COQ6: variants seen among roughly 807,000 people sequenced by gnomAD.
COQ6 encodes the protein coenzyme Q6, monooxygenase, also known as ubiquinone biosynthesis monooxygenase COQ6, mitochondrial.
COQ6 carries 45 observed loss-of-function variants against 55.5 expected under a neutral mutation model. The ratio of observed to expected loss-of-function variants is 0.81; its 90% CI spans 0.64 to 1.04. The LOEUF (loss-of-function observed/expected upper bound fraction) is 1.04. Ranked by LOEUF, COQ6 falls within the 50% of genes least tolerant of loss-of-function variation. COQ6 has a pLI of 0.00. For missense variants in COQ6, 550 were observed against 601.3 expected (o/e 0.91, Z 0.89); for synonymous variants, 206 against 230.5 (o/e 0.89, Z 0.96).
Position 73,958,154 on chromosome 14 carries a change from G to A in COQ6, c.489G>A (p.Val163=). Residue 163 remains valine (V), a synonymous_variant, in exon 5 of 12, where the codon GTG becomes GTA. Transcript: ENST00000334571. ...TKQLEAVSDR[V]TVLYRSKAIR... ...CTCTTTTGACCTCCCCAGACCGAGT[G>A]ACGGTTCTCTACAGGAGCAAAGCCA... The A allele has an allele frequency of 6.2e-7, 1 of 1,613,914 alleles. No homozygotes were observed. Among genetic ancestry groups the A allele is most frequent in the South Asian group, 1.1e-5 (1 of 91,072 alleles).
Position 73,963,318 on chromosome 14 carries a change from A to G in COQ6, c.*319A>G. The G allele has an allele frequency of 4.4e-6, 2 of 450,868 alleles. No individual in the cohort carries two copies. Among genetic ancestry groups the G allele is most frequent in the South Asian group, 9.3e-5 (2 of 21,468 alleles). The allele number at this position is 450,868 out of a possible 1,614,324, so 27.9% of individuals were successfully genotyped here. A position where few individuals can be genotyped will look rare whatever the true frequency, so the allele number is the denominator to read the frequency against. On this transcript the variant is annotated 3_prime_UTR_variant, in exon 12 of 12. Coordinates refer to ENST00000334571, the MANE Select transcript of COQ6 (RefSeq NM_182476.3). ...TTAATCATTTCTAAAGAGAAAATTT[A>G]CATTTTGTTTTTGTTTTAATGTTGG...
intron 5 of COQ6, chr14:73,958,577 G>T: frequency 7.7e-7 from 1 of 1,294,736 alleles, no homozygotes; most frequent in East Asian, 3.9e-5. Flanking sequence ...TGTGGTCATT[G>T]ATCTCTTGCC....
chr14:73,962,552 C>T, intron 11 of COQ6: 1 of 182,328 alleles, frequency 5.5e-6, no homozygotes, highest in Non-Finnish European at 1.1e-5. Flanking sequence ...GAGTTAAGAC[C>T]AGTCTCTTGA....
At chr14:73,960,511 G>A (rs2056666973) in intron 8 of COQ6, 2 of 995,842 alleles carry the variant, frequency 2.0e-6, no homozygotes, top group South Asian at 4.4e-5. Context: ...AATGGATTCC[G>A]AGATAAATGG....
At chr14:73,951,935 G>T (rs1390991024) in intron 1 of COQ6, among the ~76,000 whole-genome samples, 1 of 134,724 alleles carries the variant, frequency 7.4e-6, no homozygotes, top group African/African-American at 2.8e-5. Flanking sequence ...CTGAGATCGC[G>T]CCACTGCACT....
At chr14:73,953,034 GTTTA>G (rs1016595121) in intron 1 of COQ6, among the ~76,000 whole-genome samples, 8 of 152,174 alleles carry the variant, frequency 5.3e-5, no homozygotes, top group African/African-American at 1.9e-4. Context: ...AATTTTGCTT[GTTTA>G]TTCCACTTTT....
intron 8 of COQ6, chr14:73,960,139 A>G (rs1327102481): frequency 3.0e-6 from 3 of 991,290 alleles, no homozygotes; most frequent in Non-Finnish European, 3.6e-6. Context: ...AGCTACCTGA[A>G]CCTTTCAAGC....
In COQ6 at chr14:73,959,524, T is replaced by A; in HGVS notation, c.891+2T>A. 6.2e-7 allele frequency: 1 copy of A among 1,614,072 alleles called. No homozygotes were observed. The highest frequency in any genetic ancestry group is 1.1e-5 in the South Asian group (1 of 91,072). ...GTGGATGCCGTTAACTCTGCCTTTG[T>A]GAGTATCAATTTACCCAGCTGATGA... On this transcript the variant is annotated splice_donor_variant, in intron 8 of 11. Transcript: ENST00000334571. LOFTEE classifies it high-confidence loss of function.
intron 1 of COQ6, among the ~76,000 whole-genome samples, chr14:73,952,586 T>TG (rs2140364199): frequency 1.3e-5 from 2 of 152,246 alleles, no homozygotes; most frequent in Non-Finnish European, 2.9e-5. Flanking sequence ...TTGCCCAGGC[T>TG]GGTCTTGAAT....
chr14:73,962,697 C>T (rs922111888), intron 11 of COQ6: 1 of 402,740 alleles, frequency 2.5e-6, no homozygotes, highest in South Asian at 3.4e-5. Context: ...CACCTGTAAT[C>T]CCAGCACTTT....
At chr14:73,950,582 A>G in intron 1 of COQ6, 87 bp downstream of exon 1, 1 of 1,499,784 alleles carries the variant, frequency 6.7e-7, no homozygotes, top group Non-Finnish European at 8.9e-7. Context: ...CGACTTGCCC[A>G]AAGACAATTT....
chr14:73,950,422 C>T lies in COQ6; in HGVS notation c.90C>T (p.Ala30=). ...PLVSWRRWSG[A]STDTVYDVVV... ...TGTCCTGGCGCAGGTGGTCCGGCGC[C>T]TCAACAGACACCGTGTATGACGTGG... The change falls in exon 1 of 12, where the codon GCC becomes GCT. Residue 30 remains alanine, a synonymous_variant. Transcript: ENST00000334571. 6.2e-7 allele frequency: 1 copy of T among 1,604,230 alleles called. No individual in the cohort carries two copies. The highest frequency in any genetic ancestry group is 2.3e-5 in the East Asian group (1 of 44,444).
intron 8 of COQ6, 82 bp downstream of exon 8, chr14:73,959,604 C>G: frequency 1.2e-6 from 2 of 1,602,444 alleles, no homozygotes; most frequent in Non-Finnish European, 1.7e-6. Context: ...TGAAACGGAT[C>G]CTTGCCAGGC....
chr14:73,956,821 T>C (rs1432180268), intron 4 of COQ6: 2 of 152,178 alleles, frequency 1.3e-5, no homozygotes, highest in East Asian at 3.8e-4. Flanking sequence ...GTAACTTAAA[T>C]GCTTTTTGAT....
chr14:73,953,423 T>G lies in COQ6; in HGVS notation c.164-12T>G. On this transcript the variant is annotated splice_polypyrimidine_tract_variant and intron_variant, in intron 1 of 11. Transcript: ENST00000334571. Reference sequence around the variant, plus strand: ...GATTTTCCTAAGATGATATAAATTTTCTTTTTTTAAGGATATGATATTCAC... The same window carrying G: ...GATTTTCCTAAGATGATATAAATTTGCTTTTTTTAAGGATATGATATTCAC... The G allele has an allele frequency of 6.4e-7, 1 of 1,568,622 alleles. No individual in the cohort carries two copies. The highest frequency in any genetic ancestry group is 1.1e-5 in the South Asian group (1 of 89,048).
chr14:73,959,348 T>G, intron 7 of COQ6, 67 bp from the exon 8 acceptor site: 5 of 1,614,196 alleles, frequency 3.1e-6, no homozygotes, highest in Non-Finnish European at 4.2e-6. Flanking sequence ...TTTTTGTCTT[T>G]TTATGCTTGA....
intron 2 of COQ6, chr14:73,955,223 G>A: frequency 1.7e-6 from 1 of 579,888 alleles, no homozygotes. Flanking sequence ...AAAGTGCTGG[G>A]ATTACAGGCA....
At chr14:73,957,610 T>G (rs1442729866) in intron 4 of COQ6, among the ~76,000 whole-genome samples, 3 of 152,018 alleles carry the variant, frequency 2.0e-5, no homozygotes, top group Non-Finnish European at 4.4e-5. Flanking sequence ...GTTAATTTTT[T>G]GTAAAGATGG....
intron 4 of COQ6, among the ~76,000 whole-genome samples, chr14:73,957,241 G>A (rs1402193688): frequency 6.6e-6 from 1 of 151,988 alleles, no homozygotes; most frequent in Non-Finnish European, 1.5e-5. Context: ...GGGACTATAG[G>A]CGCCTGCCAC....
Sources: gnomAD v4.1 joint callset for allele counts (sites outside exome capture counted in the v4.1 genomes callset) on GRCh38, gnomAD v4.1.1 for gene constraint, MANE v1.5 for transcripts, NCBI Gene and HGNC (gene_info 2026-07-23, HGNC 2026-07-21) for gene names.